Variants in C12orf54 observed in about 807,000 individuals in gnomAD.
C12orf54 encodes the protein uncharacterized protein C12orf54.
In C12orf54, 24 loss-of-function variants were observed where a neutral mutation model predicts 26.4. The ratio of observed to expected loss-of-function variants is 0.91; its 90% CI spans 0.66 to 1.28. The LOEUF is 1.28. Among genes scored for constraint, C12orf54 ranks in the 50% most tolerant of loss-of-function variants. C12orf54 has a pLI of 0.00. For missense variants in C12orf54, 154 were observed against 150.9 expected (o/e 1.02, Z -0.11); for synonymous variants, 54 against 47.0 (o/e 1.15, Z -0.61).
the C12orf54 span, among the ~76,000 whole-genome samples, chr12:48,458,054 C>T: frequency 2.0e-5 from 3 of 152,232 alleles, no homozygotes; most frequent in South Asian, 2.1e-4. Context: ...CTGTGCTTTA[C>T]TTCCCTCACC....
the C12orf54 span, among the ~76,000 whole-genome samples, chr12:48,418,536 A>T: frequency 2.0e-5 from 3 of 152,178 alleles, no homozygotes; most frequent in Non-Finnish European, 2.9e-5. Flanking sequence ...AAGAGAAGTG[A>T]TGATATGAGT....
the C12orf54 span, among the ~76,000 whole-genome samples, chr12:48,431,355 T>C: frequency 6.6e-6 from 1 of 152,204 alleles, no homozygotes; most frequent in Non-Finnish European, 1.5e-5. Context: ...GATGTGATTA[T>C]CTGGGTATTC....
At chr12:48,469,832 G>A in the C12orf54 span, among the ~76,000 whole-genome samples, 1 of 152,124 alleles carries the variant, frequency 6.6e-6, no homozygotes, top group South Asian at 2.1e-4. Context: ...TGGGGTCCCT[G>A]ACTTCCCACA....
Position 48,493,550 on chromosome 12 carries a change from G to C in C12orf54, c.242+555G>C, listed in dbSNP as rs1003594103. On this transcript the variant is annotated intron_variant, in intron 7 of 8. Transcript: ENST00000548364. ...TGAAAGGACAACCTGAGCCTGGGGA[G>C]GTGGAGACTGCAGTGAGCCATGATC... Among the ~76,000 whole-genome samples the C allele has an allele frequency of 2.7e-5, 4 of 150,900 alleles. 1 individual carries two copies. The East Asian group carries it at 7.8e-4, about 29-fold the overall frequency.
chr12:48,482,372 A>G (rs1954207166), upstream of C12orf54: 1 of 152,176 alleles, frequency 6.6e-6, no homozygotes, highest in Admixed American at 6.5e-5. Context: ...CCATTTTACC[A>G]TTATCGTTTG....
chr12:48,470,334 C>A, the C12orf54 span, among the ~76,000 whole-genome samples: 1 of 152,326 alleles, frequency 6.6e-6, no homozygotes, highest in South Asian at 2.1e-4. Flanking sequence ...GTTGTCTTTT[C>A]TCCGCAGCCT....
At chr12:48,480,939 AT>A (rs78459898), upstream of C12orf54, among the ~76,000 whole-genome samples, 19,284 of 152,230 alleles carry the variant, frequency 0.13, 1,613 homozygotes, top group Non-Finnish European at 0.2. Context: ...GATGGAGGTC[AT>A]TATCCCAGGC....
the C12orf54 span, among the ~76,000 whole-genome samples, chr12:48,448,098 C>T: frequency 6.6e-6 from 1 of 152,138 alleles, no homozygotes; most frequent in African/African-American, 2.4e-5. Flanking sequence ...GATTCATTCC[C>T]AGAACCTCCA....
At chr12:48,490,027 G>A (rs1400672472) in intron 5 of C12orf54, among the ~76,000 whole-genome samples, 1 of 152,100 alleles carries the variant, frequency 6.6e-6, no homozygotes, top group African/African-American at 2.4e-5. Flanking sequence ...CAGCCAAGAA[G>A]GGATTTTTTA....
At chr12:48,482,992 T>C (rs1185198200) in intron 1 of C12orf54, among the ~76,000 whole-genome samples, 1 of 152,038 alleles carries the variant, frequency 6.6e-6, no homozygotes, top group African/African-American at 2.4e-5. Flanking sequence ...ACAAAGACTA[T>C]AGGAAGATTT....
chr12:48,449,846 G>C, the C12orf54 span, among the ~76,000 whole-genome samples: 1 of 134,710 alleles, frequency 7.4e-6, no homozygotes, highest in African/African-American at 4.0e-5. Context: ...ATCTCAACTT[G>C]AATTGTATCT....
chr12:48,445,268 A>T, the C12orf54 span, among the ~76,000 whole-genome samples: 1 of 152,084 alleles, frequency 6.6e-6, no homozygotes, highest in Non-Finnish European at 1.5e-5. Context: ...CTCACCGAGA[A>T]CAGACCTAAT....
upstream of C12orf54, among the ~76,000 whole-genome samples, chr12:48,480,113 A>C (rs1212995939): frequency 6.6e-6 from 1 of 152,196 alleles, no homozygotes; most frequent in African/African-American, 2.4e-5. Context: ...AAGTTACCAA[A>C]AACACAAATA....
chr12:48,446,067 G>A, the C12orf54 span, among the ~76,000 whole-genome samples: 1 of 152,190 alleles, frequency 6.6e-6, no homozygotes, highest in Non-Finnish European at 1.5e-5. Context: ...AGGACAGACG[G>A]AAAACATAAC....
the C12orf54 span, among the ~76,000 whole-genome samples, chr12:48,434,317 G>C: frequency 1.3e-5 from 2 of 152,230 alleles, no homozygotes; most frequent in Non-Finnish European, 2.9e-5. Context: ...GCCTGCCTCT[G>C]TAGGCTCCAC....
At chr12:48,448,177 G>T in the C12orf54 span, among the ~76,000 whole-genome samples, 1 of 152,182 alleles carries the variant, frequency 6.6e-6, no homozygotes, top group Non-Finnish European at 1.5e-5. Flanking sequence ...AACCATGTAA[G>T]CCACTCGGTA....
chr12:48,424,808 G>T, the C12orf54 span, among the ~76,000 whole-genome samples: 1 of 152,092 alleles, frequency 6.6e-6, no homozygotes, highest in South Asian at 2.1e-4. Flanking sequence ...CTAAGGCAAA[G>T]AACCCAGACA....
the C12orf54 span, among the ~76,000 whole-genome samples, chr12:48,456,885 G>A: frequency 9.2e-5 from 14 of 152,010 alleles, no homozygotes; most frequent in African/African-American, 2.2e-4. Flanking sequence ...ACCAAAGTAC[G>A]AAAAGTGTGC....
At chr12:48,486,096 G>A in intron 2 of C12orf54, 82 bp from the exon 3 acceptor site, 2 of 1,335,088 alleles carry the variant, frequency 1.5e-6, no homozygotes, top group African/African-American at 1.4e-5. Flanking sequence ...ATTCCTGCTA[G>A]GAGTGATAGA....
Sources: gnomAD v4.1 joint callset for allele counts (sites outside exome capture counted in the v4.1 genomes callset) on GRCh38, gnomAD v4.1.1 for gene constraint, MANE v1.5 for transcripts, NCBI Gene and HGNC (gene_info 2026-07-23, HGNC 2026-07-21) for gene names.